PDE4B: variants seen among roughly 807,000 people sequenced by gnomAD.
PDE4B encodes the protein phosphodiesterase 4B, also known as 3',5'-cyclic-AMP phosphodiesterase 4B.
Under a neutral mutation model 82.2 loss-of-function variants are expected in PDE4B, and 20 were observed. The ratio of observed to expected loss-of-function variants is 0.24; its 90% confidence interval spans 0.17 to 0.35. PDE4B has a LOEUF of 0.35. Ranked by LOEUF, PDE4B falls within the 10% of genes least tolerant of loss-of-function variation. The pLI is 1.00. For synonymous variants in PDE4B, 320 were observed against 318.9 expected (o/e 1.00, Z -0.04); for missense variants, 655 against 907.2 (o/e 0.72, Z 3.57).
chr1:66,270,295 CT>C (rs372257716), intron 7 of PDE4B, among the ~76,000 whole-genome samples: 269 of 152,278 alleles, frequency 1.8e-3, no homozygotes, highest in Non-Finnish European at 3.2e-3. Context: ...TTTTTACCAA[CT>C]GATAAAACAG....
intron 3 of PDE4B, among the ~76,000 whole-genome samples, chr1:66,147,003 C>T (rs1373626276): frequency 6.6e-6 from 1 of 152,120 alleles, no homozygotes; most frequent in African/African-American, 2.4e-5. Context: ...TCTATGCTCT[C>T]AAGGGTTTAT....
At chr1:66,137,458 G>T (rs565616780) in intron 3 of PDE4B, among the ~76,000 whole-genome samples, 1 of 152,298 alleles carries the variant, frequency 6.6e-6, no homozygotes, top group African/African-American at 2.4e-5. Flanking sequence ...AGGGGATAAG[G>T]CTCTGTGCTA....
At chr1:66,370,515 C>T (rs951680205) in intron 16 of PDE4B, among the ~76,000 whole-genome samples, 5 of 152,200 alleles carry the variant, frequency 3.3e-5, no homozygotes, top group African/African-American at 1.2e-4. Flanking sequence ...CACTCTCCAT[C>T]TTAGGGACAG....
chr1:66,118,755 T>C (rs1384381941), intron 3 of PDE4B, among the ~76,000 whole-genome samples: 2 of 152,196 alleles, frequency 1.3e-5, no homozygotes, highest in East Asian at 1.9e-4. Flanking sequence ...TGACAGATTG[T>C]CTTAGAGTTG....
intron 1 of PDE4B, among the ~76,000 whole-genome samples, chr1:65,880,298 A>G (rs1455453754): frequency 6.6e-6 from 1 of 152,190 alleles, no homozygotes; most frequent in Non-Finnish European, 1.5e-5. Context: ...GTGGCCATCA[A>G]TGTAATATAA....
At chr1:66,235,473 T>C (rs1652336306) in intron 3 of PDE4B, among the ~76,000 whole-genome samples, 1 of 152,246 alleles carries the variant, frequency 6.6e-6, no homozygotes, top group Admixed American at 6.5e-5. Flanking sequence ...GTAATATTCT[T>C]AACTCTGGAA....
At chr1:66,293,770 A>G (rs1657286402) in intron 7 of PDE4B, among the ~76,000 whole-genome samples, 1 of 152,228 alleles carries the variant, frequency 6.6e-6, no homozygotes, top group Non-Finnish European at 1.5e-5. Context: ...CAATAGACAT[A>G]CAAAAAGCAT....
chr1:66,068,875 T>G, intron 3 of PDE4B, among the ~76,000 whole-genome samples: 1 of 152,028 alleles, frequency 6.6e-6, no homozygotes, highest in East Asian at 1.9e-4. Flanking sequence ...GATAGGTACA[T>G]GTTCAGTTCA....
chr1:66,368,802 G>A lies in PDE4B; in HGVS notation c.1678G>A (p.Val560Ile). 6.3e-7 allele frequency: 1 copy of A among 1,584,228 alleles called. No individual in the cohort carries two copies. Among genetic ancestry groups the A allele is most frequent in the Non-Finnish European group, 8.6e-7 (1 of 1,164,100 alleles). ...ATGATTTCAGGTCCTTCGCAACATG[G>A]TACACTGTGCAGACCTGAGCAACCC... ...TDRIQVLRNMVHCADLSNPTK... is the reference protein window; with the variant it reads ...TDRIQVLRNMIHCADLSNPTK... Residue 560 changes from valine to isoleucine, a missense_variant, in exon 16 of 17, where the codon GTA (valine) becomes ATA (isoleucine). Val to Ile is a conservative substitution (Grantham distance 29). Around this residue, in one of 3 missense-constraint regions of PDE4B, gnomAD observed 283 missense variants for 516.4 expected, o/e 0.55. Transcript: ENST00000341517.
At chr1:66,260,913 C>G (rs1654633574) in intron 6 of PDE4B, among the ~76,000 whole-genome samples, 1 of 152,132 alleles carries the variant, frequency 6.6e-6, no homozygotes, top group Non-Finnish European at 1.5e-5. Context: ...CCAAAGCAAG[C>G]CATGCTTATC....
intron 7 of PDE4B, among the ~76,000 whole-genome samples, chr1:66,270,556 G>T (rs1277660822): frequency 2.0e-5 from 3 of 152,194 alleles, no homozygotes; most frequent in Non-Finnish European, 4.4e-5. Flanking sequence ...TATGTGCATG[G>T]GTAAAGGGCT....
intron 3 of PDE4B, among the ~76,000 whole-genome samples, chr1:66,237,539 A>G (rs917758452): frequency 1.3e-5 from 2 of 152,198 alleles, no homozygotes; most frequent in African/African-American, 4.8e-5. Context: ...TCTGCTTGAA[A>G]GGTCAAAGAC....
chr1:65,894,259 C>G (rs575607838), intron 1 of PDE4B, among the ~76,000 whole-genome samples: 1 of 152,062 alleles, frequency 6.6e-6, no homozygotes, highest in South Asian at 2.1e-4. Flanking sequence ...TAATTCCATG[C>G]CTATACCAGC....
At chr1:66,357,905 C>G (rs1662387182) in intron 9 of PDE4B, among the ~76,000 whole-genome samples, 1 of 152,122 alleles carries the variant, frequency 6.6e-6, no homozygotes, top group African/African-American at 2.4e-5. Flanking sequence ...ACATACCTGG[C>G]CATCTAGATT....
At chr1:66,098,192 G>A (rs1052625037) in intron 3 of PDE4B, among the ~76,000 whole-genome samples, 12 of 152,092 alleles carry the variant, frequency 7.9e-5, no homozygotes, top group African/African-American at 2.4e-4. Context: ...GACTCAAAGG[G>A]ATGCCTCAGC....
chr1:66,269,422 T>C (rs1655299608), intron 7 of PDE4B, among the ~76,000 whole-genome samples: 1 of 152,188 alleles, frequency 6.6e-6, no homozygotes, highest in Admixed American at 6.5e-5. Context: ...TGTAGTTTAA[T>C]GAGCATCTGA....
At chr1:65,997,069 T>C (rs1029721172) in intron 3 of PDE4B, among the ~76,000 whole-genome samples, 76 of 152,142 alleles carry the variant, frequency 5.0e-4, no homozygotes, top group Admixed American at 1.7e-3. Flanking sequence ...TTCTCTTTCA[T>C]CATTAGCAAC....
At chr1:66,282,869 T>C (rs756972704) in intron 7 of PDE4B, among the ~76,000 whole-genome samples, 9 of 152,162 alleles carry the variant, frequency 5.9e-5, no homozygotes, top group Non-Finnish European at 1.0e-4. Context: ...AGCCCCTCAG[T>C]AAGAATCTGG....
intron 3 of PDE4B, among the ~76,000 whole-genome samples, chr1:66,149,098 A>G (rs1646339527): frequency 6.6e-6 from 1 of 152,226 alleles, no homozygotes; most frequent in Non-Finnish European, 1.5e-5. Context: ...TCAGCAATGA[A>G]TGAGCATTCT....
Sources: gnomAD v4.1 joint callset for allele counts (sites outside exome capture counted in the v4.1 genomes callset) on GRCh38, gnomAD v4.1.1 for gene constraint, gnomAD v4.1.1 regional missense constraint, MANE v1.5 for transcripts, NCBI Gene and HGNC (gene_info 2026-07-23, HGNC 2026-07-21) for gene names.